Variants in SNTB1 observed in about 807,000 individuals in gnomAD.
The protein encoded by SNTB1 is syntrophin beta 1.
SNTB1 carries 36 observed loss-of-function variants against 48.9 expected under a neutral mutation model. That is an observed-to-expected ratio of 0.74 (90% CI 0.56 to 0.97). SNTB1 has a LOEUF of 0.97. SNTB1 is among the 50% of genes least tolerant of loss of function. SNTB1 has a pLI of 0.00. For synonymous variants in SNTB1, 299 were observed against 294.6 expected, an observed-to-expected ratio of 1.01 and a Z score of -0.15; for missense variants, 786 against 703.4, an observed-to-expected ratio of 1.12 and a Z score of -1.33.
intron 1 of SNTB1, among the ~76,000 whole-genome samples, chr8:120,748,275 G>C (rs1314116668): frequency 6.6e-6 from 1 of 152,166 alleles, no homozygotes; most frequent in Non-Finnish European, 1.5e-5. Context: ...GTTTGTTTTG[G>C]AGTGGGTTTT....
intron 1 of SNTB1, among the ~76,000 whole-genome samples, chr8:120,739,174 G>C (rs1819001460): frequency 6.6e-6 from 1 of 152,126 alleles, no homozygotes; most frequent in African/African-American, 2.4e-5. Flanking sequence ...AAACCCCAAT[G>C]CATTATTTAA....
At chr8:120,571,268 T>C in intron 4 of SNTB1, 1 of 1,284,056 alleles carries the variant, frequency 7.8e-7, no homozygotes, top group Non-Finnish European at 1.0e-6. Flanking sequence ...CAACTTTGCT[T>C]CTTAGTAACT....
intron 1 of SNTB1, among the ~76,000 whole-genome samples, chr8:120,726,410 T>C (rs1818756283): frequency 6.6e-6 from 1 of 152,186 alleles, no homozygotes; most frequent in South Asian, 2.1e-4. Context: ...GCTATTTTCT[T>C]GACAAACTCA....
intron 1 of SNTB1, among the ~76,000 whole-genome samples, chr8:120,801,382 C>A (rs1209896066): frequency 6.6e-6 from 1 of 151,956 alleles, no homozygotes; most frequent in African/African-American, 2.4e-5. Context: ...AGTTCTGTGG[C>A]AACATTCACT....
At chr8:120,541,135 CAT>C (rs1413378793) in intron 6 of SNTB1, 1 of 152,190 alleles carries the variant, frequency 6.6e-6, no homozygotes, top group Non-Finnish European at 1.5e-5. Flanking sequence ...CAAGTGAAGT[CAT>C]ATACTTTTTC....
intron 3 of SNTB1, among the ~76,000 whole-genome samples, chr8:120,584,582 C>G (rs1231867045): frequency 2.0e-5 from 3 of 151,826 alleles, no homozygotes. Flanking sequence ...AGAATTCTCT[C>G]TATCAAGGGA....
At chr8:120,745,804 C>A (rs921808961) in intron 1 of SNTB1, among the ~76,000 whole-genome samples, 2 of 152,172 alleles carry the variant, frequency 1.3e-5, no homozygotes, top group African/African-American at 4.8e-5. Context: ...GCTGGACACT[C>A]TCTCTCACCC....
At chr8:120,566,648 A>C (rs950820919) in intron 4 of SNTB1, among the ~76,000 whole-genome samples, 1 of 152,218 alleles carries the variant, frequency 6.6e-6, no homozygotes, top group African/African-American at 2.4e-5. Context: ...AATAGTTCTC[A>C]AACTGTAGCC....
intron 3 of SNTB1, among the ~76,000 whole-genome samples, chr8:120,613,219 T>C (rs1339508365): frequency 6.6e-6 from 1 of 151,784 alleles, no homozygotes; most frequent in African/African-American, 2.4e-5. Flanking sequence ...GGCATGGTGG[T>C]GGGCGCCTAT....
At chr8:120,694,712 T>C (rs1818184332) in intron 1 of SNTB1, among the ~76,000 whole-genome samples, 2 of 151,954 alleles carry the variant, frequency 1.3e-5, no homozygotes, top group African/African-American at 4.8e-5. Context: ...TATAAATTCA[T>C]AAATATATGT....
intron 2 of SNTB1, among the ~76,000 whole-genome samples, chr8:120,665,693 T>A (rs1336844561): frequency 6.6e-6 from 1 of 152,232 alleles, no homozygotes; most frequent in Non-Finnish European, 1.5e-5. Flanking sequence ...AGTTTTATAG[T>A]TGTATGCTTT....
chr8:120,624,602 G>A (rs578237072), intron 3 of SNTB1, among the ~76,000 whole-genome samples: 2 of 152,154 alleles, frequency 1.3e-5, no homozygotes, highest in African/African-American at 2.4e-5. Context: ...AGCATTCCAC[G>A]CCTTCCCCCA....
Position 120,811,852 on chromosome 8 carries a change from C to T in SNTB1, c.-9G>A, listed in dbSNP as rs1820444352. ...GCCGCCGCTACCGCCATCTTTCCGG[C>T]ATTCTTAAAATGCCATGTGATTGGA... On this transcript the variant is annotated 5_prime_UTR_variant, in exon 1 of 7. The change abolishes an upstream ATG in the 5' untranslated region. Coordinates refer to ENST00000517992, the MANE Select transcript of SNTB1 (RefSeq NM_021021.4). 7.5e-7 allele frequency: 1 copy of T among 1,339,182 alleles called. No homozygotes were observed. The highest frequency in any genetic ancestry group is 9.5e-7 in the Non-Finnish European group (1 of 1,049,084). The allele number at this position is 1,339,182 out of a possible 1,614,324, so 83.0% of individuals were successfully genotyped here. A position where few individuals can be genotyped will look rare whatever the true frequency, so the allele number is the denominator to read the frequency against.
intron 1 of SNTB1, among the ~76,000 whole-genome samples, chr8:120,803,075 T>TA (rs1820258371): frequency 6.6e-6 from 1 of 151,390 alleles, no homozygotes; most frequent in Non-Finnish European, 1.5e-5. Flanking sequence ...GCAATGCAAA[T>TA]AAATAGGATA....
chr8:120,734,733 C>G (rs974869803), intron 1 of SNTB1, among the ~76,000 whole-genome samples: 4 of 152,198 alleles, frequency 2.6e-5, no homozygotes, highest in African/African-American at 9.7e-5. Flanking sequence ...TTGGTGGAAC[C>G]TCCTCCAGAA....
chr8:120,543,382 A>C (rs764331795), intron 5 of SNTB1, among the ~76,000 whole-genome samples: 1 of 152,202 alleles, frequency 6.6e-6, no homozygotes, highest in Non-Finnish European at 1.5e-5. Flanking sequence ...CATAAGAGCA[A>C]GAGCTTTATT....
intron 1 of SNTB1, among the ~76,000 whole-genome samples, chr8:120,774,945 C>A (rs562322468): frequency 1.3e-5 from 2 of 152,130 alleles, no homozygotes. Context: ...TGAGCCACCA[C>A]GCCCGGCCAG....
rs139592436 is a variant in SNTB1 at position 120,542,104 on chromosome 8, C to T, written c.1334-104G>A. Reference sequence around the variant, plus strand: ...CCTCCTCAGTCCCAGCGATCAGCTACGAATTTCTTGCTAAAATAAAAATAT... The same window carrying T: ...CCTCCTCAGTCCCAGCGATCAGCTATGAATTTCTTGCTAAAATAAAAATAT... On this transcript the variant is annotated intron_variant, in intron 5 of 6. Coordinates refer to ENST00000517992, the MANE Select transcript of SNTB1 (RefSeq NM_021021.4). 1,008 of 719,076 alleles carry T rather than the reference C, an allele frequency of 1.4e-3. 6 individuals are homozygous for T. In the African/African-American group the frequency reaches 0.017, roughly 12 times the overall value. 44.5% of individuals were successfully genotyped at this position (719,076 alleles called of 1,614,324 possible). A position where few individuals can be genotyped will look rare whatever the true frequency, so the allele number is the denominator to read the frequency against.
At position 120,536,591 on chromosome 8, in the gene SNTB1, A is replaced by C. The variant is rs1815206677; in HGVS notation, c.*2286T>G. The C allele has an allele frequency of 6.6e-6, 1 of 152,214 alleles. No individual in the cohort carries two copies. Among genetic ancestry groups the C allele is most frequent in the South Asian group, 2.1e-4 (1 of 4,834 alleles). The allele number at this position is 152,214 out of a possible 1,614,324, so 9.4% of individuals were successfully genotyped here. On this transcript the variant is annotated 3_prime_UTR_variant, in exon 7 of 7. Transcript: ENST00000517992. ...GGAAAAATGATTCATATACACAATT[A>C]TCTTAGTCAAATTTTCTATTTCTTG...
Sources: gnomAD v4.1 joint callset for allele counts (sites outside exome capture counted in the v4.1 genomes callset) on GRCh38, gnomAD v4.1.1 for gene constraint, MANE v1.5 for transcripts, NCBI Gene and HGNC (gene_info 2026-07-23, HGNC 2026-07-21) for gene names.